PRKCB: variants seen among roughly 807,000 people sequenced by gnomAD.
PRKCB encodes the protein protein kinase C beta.
A neutral mutation model predicts 81.5 loss-of-function variants in PRKCB; 13 were observed. The observed-to-expected ratio is 0.16, with a 90% CI of 0.10 to 0.25. The LOEUF is 0.25. PRKCB is among the 10% of genes least tolerant of loss of function. PRKCB has a pLI of 1.00. For missense variants in PRKCB, 509 were observed against 875.7 expected, an observed-to-expected ratio of 0.58 and a Z score of 5.29; for synonymous variants, 335 against 321.4, an observed-to-expected ratio of 1.04 and a Z score of -0.45.
At chr16:24,172,460 C>A in intron 11 of PRKCB, 99 bp downstream of exon 11, 2 of 897,684 alleles carry the variant, frequency 2.2e-6, no homozygotes, top group South Asian at 1.5e-5. Context: ...TCTTTAAACA[C>A]CTCGGGCATC....
intron 2 of PRKCB, among the ~76,000 whole-genome samples, chr16:23,911,853 G>A (rs1343460640): frequency 8.8e-6 from 1 of 114,180 alleles, no homozygotes; most frequent in African/African-American, 3.4e-5. Flanking sequence ...TTTTTTTTGA[G>A]ATGGAGTCTC....
chr16:23,993,690 A>G (rs1032723215), intron 3 of PRKCB, among the ~76,000 whole-genome samples: 27 of 152,290 alleles, frequency 1.8e-4, no homozygotes, highest in Non-Finnish European at 3.5e-4. Context: ...AATGGGAATA[A>G]TTGGGTCCTG....
chr16:24,092,946 T>C lies in PRKCB; in HGVS notation c.685T>C (p.Phe229Leu). ...CCCTGAGTGGAATGAGACATTTAGA[T>C]TGTAAGTGGAAATGACTGCAGTGAG... Reference protein sequence around the residue: ...LNPEWNETFRFQLKESDKDRR... With the variant: ...LNPEWNETFRLQLKESDKDRR... The change falls in exon 6 of 17, where the codon TTT becomes CTT. Residue 229 changes from phenylalanine to leucine, a missense_variant and splice_region_variant. By Grantham distance (22) the Phe-to-Leu change is conservative. Around this residue, in one of 6 missense-constraint regions of PRKCB, gnomAD observed 184 missense variants for 362.9 expected, o/e 0.51. Coordinates refer to ENST00000643927, the MANE Select transcript of PRKCB (RefSeq NM_002738.7). 1 of 1,613,386 alleles carries C rather than the reference T, an allele frequency of 6.2e-7. No individual in the cohort carries two copies. The highest frequency in any genetic ancestry group is 8.5e-7 in the Non-Finnish European group (1 of 1,179,896).
intron 5 of PRKCB, among the ~76,000 whole-genome samples, chr16:24,058,854 G>A (rs917858980): frequency 9.1e-5 from 12 of 132,016 alleles, no homozygotes; most frequent in Non-Finnish European, 1.5e-4. Context: ...AAAGATGTAA[G>A]GGACTAGAGC....
intron 9 of PRKCB, among the ~76,000 whole-genome samples, chr16:24,148,431 A>T (rs1372268717): frequency 6.6e-6 from 1 of 152,194 alleles, no homozygotes; most frequent in Non-Finnish European, 1.5e-5. Context: ...CCTGGTGCCT[A>T]TCTCAGTGTC....
intron 3 of PRKCB, among the ~76,000 whole-genome samples, chr16:24,015,232 C>T (rs1965261512): frequency 6.6e-6 from 1 of 152,176 alleles, no homozygotes; most frequent in African/African-American, 2.4e-5. Flanking sequence ...TCTGCTCCAG[C>T]ACTGTCATTT....
chr16:24,067,466 A>G (rs768094702), intron 5 of PRKCB, among the ~76,000 whole-genome samples: 3 of 151,688 alleles, frequency 2.0e-5, no homozygotes, highest in African/African-American at 7.3e-5. Context: ...CACCCCACTA[A>G]TGTTTGTATT....
At position 24,185,172 on chromosome 16, in the gene PRKCB, A is replaced by G. The variant is rs1304281427; in HGVS notation, c.1595A>G (p.Tyr532Cys). The G allele has an allele frequency of 6.2e-7, 1 of 1,613,930 alleles. No individual in the cohort carries two copies. Among genetic ancestry groups the G allele is most frequent in the Non-Finnish European group, 8.5e-7 (1 of 1,179,962 alleles). ...VDWWAFGVLL[Y>C]EMLAGQAPFE... Reference sequence around the variant, plus strand: ...TGGTGGGCATTTGGAGTCCTGCTGTATGAAATGTTGGCTGGGCAGGTAATT... The same window carrying G: ...TGGTGGGCATTTGGAGTCCTGCTGTGTGAAATGTTGGCTGGGCAGGTAATT... The change falls in exon 14 of 17, where the codon TAT becomes TGT. Residue 532 changes from tyrosine to cysteine, a missense_variant. Tyr to Cys is a radical substitution (Grantham distance 194). Around this residue, in one of 6 missense-constraint regions of PRKCB, gnomAD observed 2 missense variants for 27.0 expected, o/e 0.07. Coordinates refer to ENST00000643927, the MANE Select transcript of PRKCB (RefSeq NM_002738.7).
intron 13 of PRKCB, among the ~76,000 whole-genome samples, chr16:24,184,359 G>A (rs568681048): frequency 6.6e-5 from 10 of 152,026 alleles, no homozygotes; most frequent in African/African-American, 2.2e-4. Context: ...GCTGAGGTGC[G>A]AGGATTGCTT....
intron 2 of PRKCB, among the ~76,000 whole-genome samples, chr16:23,897,679 C>G (rs1197683423): frequency 6.6e-6 from 1 of 152,162 alleles, no homozygotes; most frequent in Non-Finnish European, 1.5e-5. Context: ...TGATTTGACT[C>G]TAACCTCCAA....
intron 7 of PRKCB, among the ~76,000 whole-genome samples, chr16:24,111,993 C>G (rs935915423): frequency 6.6e-6 from 1 of 152,176 alleles, no homozygotes; most frequent in Non-Finnish European, 1.5e-5. Flanking sequence ...AGAGGCTAAC[C>G]AGCCTGTCTA....
intron 3 of PRKCB, among the ~76,000 whole-genome samples, chr16:23,996,329 C>A (rs548665203): frequency 6.6e-6 from 1 of 152,296 alleles, no homozygotes; most frequent in Admixed American, 6.5e-5. Flanking sequence ...GGCTCATGAA[C>A]AAAGTGGCCG....
At chr16:24,185,616 G>C (rs752251884) in intron 15 of PRKCB, 49 bp downstream of exon 15, 2 of 1,509,704 alleles carry the variant, frequency 1.3e-6, no homozygotes, top group Non-Finnish European at 1.8e-6. Flanking sequence ...ATAAAGGCAT[G>C]TGGGCTGTAC....
chr16:23,901,386 G>A (rs1963469649), intron 2 of PRKCB, among the ~76,000 whole-genome samples: 1 of 152,074 alleles, frequency 6.6e-6, no homozygotes, highest in African/African-American at 2.4e-5. Flanking sequence ...TGCTTGATTG[G>A]GAGTATGTCG....
At chr16:23,999,821 C>G (rs565988163) in intron 3 of PRKCB, among the ~76,000 whole-genome samples, 2 of 152,182 alleles carry the variant, frequency 1.3e-5, no homozygotes, top group African/African-American at 4.8e-5. Context: ...GAGGTACTTT[C>G]CCTGGGCACA....
At chr16:24,008,335 C>T (rs1965156559) in intron 3 of PRKCB, among the ~76,000 whole-genome samples, 1 of 152,240 alleles carries the variant, frequency 6.6e-6, no homozygotes. Context: ...TCCAGATATG[C>T]ACTGCCAAAG....
chr16:24,032,466 T>C (rs1971277), intron 4 of PRKCB, among the ~76,000 whole-genome samples: 150,103 of 152,330 alleles, frequency 0.99, 73,964 homozygotes, highest in East Asian at 1. Flanking sequence ...GCAAGGCAGT[T>C]CTTTGAATCT....
intron 2 of PRKCB, among the ~76,000 whole-genome samples, chr16:23,932,867 T>G (rs1196659025): frequency 2.0e-5 from 3 of 152,138 alleles, no homozygotes; most frequent in African/African-American, 7.2e-5. Context: ...TTAAGTACTC[T>G]GAGAAACAGC....
intron 2 of PRKCB, among the ~76,000 whole-genome samples, chr16:23,878,401 C>T (rs1372505507): frequency 6.6e-6 from 1 of 152,156 alleles, no homozygotes; most frequent in East Asian, 1.9e-4. Flanking sequence ...GCTTATATAA[C>T]ACACGCATGA....
Sources: allele counts gnomAD v4.1 joint callset (sites outside exome capture counted in the v4.1 genomes callset), GRCh38; gene constraint gnomAD v4.1.1; regional missense constraint gnomAD v4.1.1; transcripts MANE v1.5; gene names NCBI Gene and HGNC (gene_info 2026-07-23, HGNC 2026-07-21).